The following ARHGAP6 variants were observed in gnomAD, a reference collection of about 807,000 sequenced individuals.
ARHGAP6 encodes Rho GTPase activating protein 6, also known as rho GTPase-activating protein 6.
In ARHGAP6, 16 loss-of-function variants were observed where a neutral mutation model predicts 55.7. The ratio of observed to expected loss-of-function variants is 0.29; its 90% confidence interval spans 0.19 to 0.44. ARHGAP6 has a LOEUF of 0.44. Ranked by LOEUF, ARHGAP6 falls within the 20% of genes least tolerant of loss-of-function variation. ARHGAP6 has a pLI of 1.00. For synonymous variants in ARHGAP6, 382 were observed against 360.9 expected, an observed-to-expected ratio of 1.06 and a Z score of -0.66; for missense variants, 698 against 808.9, an observed-to-expected ratio of 0.86 and a Z score of 1.66.
At chrX:11,166,486 TATA>T (rs771576756) in intron 9 of ARHGAP6, among the ~76,000 whole-genome samples, 3 of 112,272 alleles carry the variant, frequency 2.7e-5, no homozygotes, top group Admixed American at 9.5e-5. Flanking sequence ...TGTTTGGAAT[TATA>T]ATAATTCTGA....
At chrX:11,555,816 G>A (rs189032608) in intron 1 of ARHGAP6, among the ~76,000 whole-genome samples, 14 of 111,278 alleles carry the variant, frequency 1.3e-4, no homozygotes, top group African/African-American at 2.0e-4. Context: ...AGGGAAGAGC[G>A]TACGCAGAGA....
chrX:11,217,729 G>A (rs550121866), intron 2 of ARHGAP6, among the ~76,000 whole-genome samples: 3 of 111,889 alleles, frequency 2.7e-5, no homozygotes, highest in East Asian at 5.6e-4. Flanking sequence ...AGATCCCAGT[G>A]GTCAATTATG....
At chrX:11,237,720 G>C (rs187135200) in intron 2 of ARHGAP6, among the ~76,000 whole-genome samples, 1 of 112,004 alleles carries the variant, frequency 8.9e-6, no homozygotes, top group Non-Finnish European at 1.9e-5. Context: ...ATTGACTCTC[G>C]GAGAAAGCAA....
At chrX:11,456,678 T>C (rs2147812939) in intron 1 of ARHGAP6, among the ~76,000 whole-genome samples, 1 of 111,810 alleles carries the variant, frequency 8.9e-6, no homozygotes, top group African/African-American at 3.2e-5. Flanking sequence ...AGAGAACTCC[T>C]TGAAAATGGA....
intron 1 of ARHGAP6, among the ~76,000 whole-genome samples, chrX:11,292,936 C>T (rs1282819847): frequency 9.0e-6 from 1 of 111,649 alleles, no homozygotes; most frequent in African/African-American, 3.3e-5. Context: ...ATTATAATTC[C>T]TCAGAGAGAA....
intron 3 of ARHGAP6, among the ~76,000 whole-genome samples, chrX:11,194,693 C>A (rs2046506963): frequency 8.9e-6 from 1 of 112,017 alleles, no homozygotes; most frequent in Admixed American, 9.5e-5. Context: ...TCTAAAATGA[C>A]AACAGTAGCA....
chrX:11,641,055 T>C (rs987996053), intron 1 of ARHGAP6, among the ~76,000 whole-genome samples: 7 of 99,552 alleles, frequency 7.0e-5, no homozygotes, highest in African/African-American at 2.7e-4. Context: ...GTAACCCATT[T>C]TTTTTTTCTG....
At chrX:11,247,798 C>T (rs1457284350) in intron 2 of ARHGAP6, among the ~76,000 whole-genome samples, 1 of 111,905 alleles carries the variant, frequency 8.9e-6, no homozygotes, top group Non-Finnish European at 1.9e-5. Context: ...TTAGGTTTTG[C>T]TTAATTTCTT....
intron 9 of ARHGAP6, among the ~76,000 whole-genome samples, chrX:11,159,957 C>CT (rs2045918976): frequency 9.1e-6 from 1 of 110,444 alleles, no homozygotes; most frequent in African/African-American, 3.3e-5. Context: ...TTTTTAAAAA[C>CT]GTAACACCTA....
intron 1 of ARHGAP6, among the ~76,000 whole-genome samples, chrX:11,358,999 T>G (rs774289306): frequency 8.9e-6 from 1 of 112,396 alleles, no homozygotes; most frequent in Admixed American, 9.4e-5. Flanking sequence ...CTTATCTCCT[T>G]AAAAATAAAT....
intron 1 of ARHGAP6, among the ~76,000 whole-genome samples, chrX:11,573,886 T>C (rs1212285866): frequency 2.4e-4 from 27 of 111,505 alleles, no homozygotes; most frequent in African/African-American, 8.8e-4. Context: ...TGGTTCTCCT[T>C]GAAGAGGTCC....
At chrX:11,284,290 C>A (rs2047895171) in intron 1 of ARHGAP6, among the ~76,000 whole-genome samples, 1 of 112,167 alleles carries the variant, frequency 8.9e-6, no homozygotes, top group African/African-American at 3.2e-5. Flanking sequence ...ATGTGCATTT[C>A]TAACAAGTTC....
intron 1 of ARHGAP6, among the ~76,000 whole-genome samples, chrX:11,473,898 G>A (rs2050376720): frequency 9.0e-6 from 1 of 111,424 alleles, no homozygotes. Flanking sequence ...AACTCCAGCA[G>A]CTTGACCTTC....
Position 11,624,175 on chromosome X carries a change from A to G in ARHGAP6, c.588+40066T>C, listed in dbSNP as rs760958417. Among the ~76,000 whole-genome samples, 4 of 112,586 alleles carry G rather than the reference A, an allele frequency of 3.6e-5. No homozygotes were observed. The East Asian group carries it at 1.1e-3, about 31-fold the overall frequency. ...CTAGGAAAACTGAATATCCATATGC[A>G]GAAGAATGAAACTAGACCCCTATCT... On this transcript the variant is annotated intron_variant, in intron 1 of 12. Transcript: ENST00000337414.
chrX:11,340,728 A>AAAC (rs2048695593), intron 1 of ARHGAP6, among the ~76,000 whole-genome samples: 1 of 91,983 alleles, frequency 1.1e-5, no homozygotes. Flanking sequence ...GACTCCGTCT[A>AAAC]AAAAAAAAAA....
At chrX:11,583,263 T>G (rs190873843) in intron 1 of ARHGAP6, among the ~76,000 whole-genome samples, 50 of 112,337 alleles carry the variant, frequency 4.5e-4, no homozygotes, top group Non-Finnish European at 8.5e-4. Context: ...TACAGCACAT[T>G]GAAATCAAGT....
At chrX:11,158,264 C>A (rs1480478420) in intron 9 of ARHGAP6, among the ~76,000 whole-genome samples, 1 of 111,529 alleles carries the variant, frequency 9.0e-6, no homozygotes, top group Non-Finnish European at 1.9e-5. Context: ...CAATGAAAAC[C>A]CTGGAGGTTT....
At chrX:11,528,008 C>G (rs776965214) in intron 1 of ARHGAP6, among the ~76,000 whole-genome samples, 292 of 112,354 alleles carry the variant, frequency 2.6e-3, no homozygotes, top group Non-Finnish European at 4.5e-3. Flanking sequence ...GCTGAATATG[C>G]CTAATCACAG....
intron 12 of ARHGAP6, among the ~76,000 whole-genome samples, chrX:11,140,439 A>ATT (rs2045606415): frequency 9.3e-6 from 1 of 107,146 alleles, no homozygotes; most frequent in Admixed American, 9.9e-5. Flanking sequence ...AAAAAATTAA[A>ATT]AAAAAAAAAC....
Sources: gnomAD v4.1 joint callset for allele counts (sites outside exome capture counted in the v4.1 genomes callset) on GRCh38, gnomAD v4.1.1 for gene constraint, MANE v1.5 for transcripts, NCBI Gene and HGNC (gene_info 2026-07-23, HGNC 2026-07-21) for gene names.